SIL1: variants seen among roughly 807,000 people sequenced by gnomAD.
The protein encoded by SIL1 is nucleotide exchange factor SIL1.
A neutral mutation model predicts 49.1 loss-of-function variants in SIL1; 40 were observed. That is an observed-to-expected ratio of 0.81 (90% CI 0.63 to 1.06). The LOEUF is 1.06. SIL1 is among the 50% of genes least tolerant of loss of function. SIL1 has a pLI of 0.00. For synonymous variants in SIL1, 253 were observed against 250.8 expected (o/e 1.01, Z -0.08); for missense variants, 500 against 572.6 (o/e 0.87, Z 1.29).
Position 139,175,281 on chromosome 5 carries a change from A to T in SIL1, c.-11+22988T>A, listed in dbSNP as rs542763628. Among the ~76,000 whole-genome samples, 5 of 152,320 alleles carry T rather than the reference A, an allele frequency of 3.3e-5. No homozygotes were observed. The East Asian group carries it at 9.7e-4, about 29-fold the overall frequency. The stretch of plus-strand genomic sequence containing the variant: ...AGGTTGCAGTGAGCAAGATCGCACC[A>T]CTGCACTCCAGCCTGGGCAACAAGA... On this transcript the variant is annotated intron_variant, in intron 1 of 9. Coordinates refer to ENST00000394817, the MANE Select transcript of SIL1 (RefSeq NM_022464.5).
intron 7 of SIL1, among the ~76,000 whole-genome samples, chr5:139,001,759 G>T (rs911030447): frequency 6.6e-6 from 1 of 152,140 alleles, no homozygotes; most frequent in African/African-American, 2.4e-5. Context: ...ACAAAAATTA[G>T]CTGGGCGTGG....
intron 7 of SIL1, among the ~76,000 whole-genome samples, chr5:138,974,822 G>A (rs910192417): frequency 2.6e-5 from 4 of 152,170 alleles, no homozygotes; most frequent in African/African-American, 9.7e-5. Flanking sequence ...CTTACAATGT[G>A]CTGTGTTCTG....
chr5:139,019,470 G>C (rs999891607), intron 7 of SIL1, among the ~76,000 whole-genome samples: 1 of 152,122 alleles, frequency 6.6e-6, no homozygotes, highest in Non-Finnish European at 1.5e-5. Context: ...AGAACATTTT[G>C]AATACAGCAG....
At chr5:139,176,611 A>G (rs1751888598) in intron 1 of SIL1, among the ~76,000 whole-genome samples, 1 of 152,218 alleles carries the variant, frequency 6.6e-6, no homozygotes, top group African/African-American at 2.4e-5. Context: ...AACAGATTCA[A>G]CGTCAGGTGA....
At chr5:139,074,168 C>T (rs980909679) in intron 3 of SIL1, among the ~76,000 whole-genome samples, 1 of 152,130 alleles carries the variant, frequency 6.6e-6, no homozygotes, top group African/African-American at 2.4e-5. Flanking sequence ...GAGATCCTCG[C>T]ACCCCAGCCT....
rs895171594 is a variant in SIL1, at chr5:139,152,513, C to T, written c.-10-24660G>A. On this transcript the variant is annotated intron_variant, in intron 1 of 9. Coordinates refer to ENST00000394817, the MANE Select transcript of SIL1 (RefSeq NM_022464.5). ...GAGGGTGCCTGTAATCCCAGCTACT[C>T]GGCAGGCTGAGGCAGGAGAATCCCT... Among the ~76,000 whole-genome samples, 11 of 151,246 alleles carry T rather than the reference C, an allele frequency of 7.3e-5. No homozygotes were observed. The Middle Eastern group carries it at 0.014, about 188-fold the overall frequency.
At chr5:139,043,545 T>C (rs1001591994) in intron 4 of SIL1, among the ~76,000 whole-genome samples, 6 of 152,150 alleles carry the variant, frequency 3.9e-5, no homozygotes, top group African/African-American at 1.4e-4. Flanking sequence ...TGTCTCAACC[T>C]GACCAAGGAA....
intron 1 of SIL1, among the ~76,000 whole-genome samples, chr5:139,185,142 C>T (rs1387286811): frequency 6.6e-6 from 1 of 152,134 alleles, no homozygotes; most frequent in Non-Finnish European, 1.5e-5. Context: ...CCTCAGTCAC[C>T]TTCCACATCC....
At chr5:139,142,700 A>G (rs966660179) in intron 1 of SIL1, among the ~76,000 whole-genome samples, 23 of 152,216 alleles carry the variant, frequency 1.5e-4, no homozygotes, top group Admixed American at 2.0e-4. Flanking sequence ...TAATGGTGAA[A>G]GACTGAAAGC....
intron 3 of SIL1, among the ~76,000 whole-genome samples, chr5:139,095,167 G>T (rs1770427499): frequency 6.6e-6 from 1 of 151,652 alleles, no homozygotes; most frequent in Non-Finnish European, 1.5e-5. Context: ...TCCAAAATGT[G>T]TTCTTTAGAA....
chr5:139,035,394 G>A (rs1399619977), intron 5 of SIL1: 2 of 538,884 alleles, frequency 3.7e-6, no homozygotes, highest in East Asian at 9.6e-5. Flanking sequence ...TTCCTTGAGG[G>A]CTTTGACGAT....
intron 1 of SIL1, among the ~76,000 whole-genome samples, chr5:139,168,572 C>A (rs1315253327): frequency 1.3e-5 from 2 of 152,100 alleles, no homozygotes; most frequent in Non-Finnish European, 2.9e-5. Flanking sequence ...CGGTTGCAAG[C>A]CCCTTTCCCT....
At position 139,040,959 on chromosome 5, in the gene SIL1, A is replaced by T. The variant is rs566097244; in HGVS notation, c.453+1661T>A. 2.6e-5 allele frequency among the ~76,000 whole-genome samples: 4 copies of T among 152,320 alleles called. No individual in the cohort carries two copies. The South Asian group carries it at 8.3e-4, about 32-fold the overall frequency. On this transcript the variant is annotated intron_variant, in intron 5 of 9. Coordinates refer to ENST00000394817, the MANE Select transcript of SIL1 (RefSeq NM_022464.5). ...AAACACACTCCCAGGGAAAGCAAAG[A>T]GAAGAGAACAAGGTTAAGTGGGTCC...
At chr5:139,051,413 G>T (rs1243275885) in intron 3 of SIL1, among the ~76,000 whole-genome samples, 5 of 152,052 alleles carry the variant, frequency 3.3e-5, no homozygotes, top group African/African-American at 1.2e-4. Context: ...CATTCCTCAG[G>T]ACATGCTACT....
chr5:139,073,019 C>T (rs1170186883), intron 3 of SIL1, among the ~76,000 whole-genome samples: 1 of 152,122 alleles, frequency 6.6e-6, no homozygotes, highest in African/African-American at 2.4e-5. Context: ...TCACCAGACA[C>T]CTGTCAGAAT....
At chr5:138,959,310 T>C (rs1766968802) in intron 7 of SIL1, among the ~76,000 whole-genome samples, 1 of 152,236 alleles carries the variant, frequency 6.6e-6, no homozygotes, top group Non-Finnish European at 1.5e-5. Flanking sequence ...GCATTTGGGA[T>C]AACTAGAGTC....
rs1351332755 is a variant in SIL1, at chr5:138,946,757, C to G, written c.*360G>C. ...TTTTCTCCTTTAATGGCACTCCTGA[C>G]AGATGAGGAAACAAGCTCAGAGCAA... is the stretch of plus-strand genomic sequence containing the variant. On this transcript the variant is annotated 3_prime_UTR_variant, in exon 10 of 10. Transcript: ENST00000394817. 3.3e-6 allele frequency: 1 copy of G among 306,170 alleles called. No homozygotes were observed. The highest frequency in any genetic ancestry group is 2.1e-5 in the African/African-American group (1 of 46,782). 19.0% of individuals were successfully genotyped at this position (306,170 alleles called of 1,614,324 possible).
At chr5:139,112,771 C>T (rs1488639493) in intron 3 of SIL1, among the ~76,000 whole-genome samples, 1 of 152,120 alleles carries the variant, frequency 6.6e-6, no homozygotes, top group Non-Finnish European at 1.5e-5. Context: ...AGCCCCTCTG[C>T]CCGGCCACCA....
At chr5:139,090,280 C>T (rs976261270) in intron 3 of SIL1, among the ~76,000 whole-genome samples, 12 of 152,174 alleles carry the variant, frequency 7.9e-5, no homozygotes, top group African/African-American at 2.2e-4. Context: ...CCTGCCACTA[C>T]AGCCTCTCCT....
Sources: allele counts gnomAD v4.1 joint callset (sites outside exome capture counted in the v4.1 genomes callset), GRCh38; gene constraint gnomAD v4.1.1; transcripts MANE v1.5; gene names NCBI Gene and HGNC (gene_info 2026-07-23, HGNC 2026-07-21).